The following DMD variants were observed in gnomAD, a reference collection of about 807,000 sequenced individuals.
DMD encodes mutant dystrophin.
A neutral mutation model predicts 330.1 loss-of-function variants in DMD; 63 were observed. That is an observed-to-expected ratio of 0.19 (90% confidence interval 0.16 to 0.24). DMD has a LOEUF of 0.24. DMD is among the 10% of genes least tolerant of loss of function. The pLI is 1.00. For missense variants in DMD, 3,344 were observed against 2,684.1 expected, an observed-to-expected ratio of 1.25 and a Z score of -5.43; for synonymous variants, 1,223 against 959.8, an observed-to-expected ratio of 1.27 and a Z score of -5.07.
chrX:31,397,802 T>G (rs913003527), intron 60 of DMD, among the ~76,000 whole-genome samples: 1 of 111,972 alleles, frequency 8.9e-6, no homozygotes, highest in African/African-American at 3.3e-5. Context: ...ATGTGAAATT[T>G]GGAGAAAAGC....
At chrX:32,335,656 C>A (rs1406906698) in intron 41 of DMD, among the ~76,000 whole-genome samples, 1 of 107,738 alleles carries the variant, frequency 9.3e-6, no homozygotes, top group African/African-American at 3.3e-5. Context: ...ATGTTATATA[C>A]ATAACATATA....
At chrX:33,048,543 A>T (rs1245059247) in intron 1 of DMD, among the ~76,000 whole-genome samples, 3 of 108,349 alleles carry the variant, frequency 2.8e-5, no homozygotes, top group Non-Finnish European at 5.7e-5. Context: ...TACAAGAAAA[A>T]TTAGCTGGGC....
chrX:32,473,519 T>C (rs1156300833), intron 21 of DMD, among the ~76,000 whole-genome samples: 1 of 111,756 alleles, frequency 8.9e-6, no homozygotes, highest in African/African-American at 3.2e-5. Context: ...TGCTGGGATA[T>C]GAATGTCATT....
intron 55 of DMD, among the ~76,000 whole-genome samples, chrX:31,598,755 T>C (rs971640548): frequency 8.9e-6 from 1 of 111,885 alleles, no homozygotes; most frequent in African/African-American, 3.2e-5. Flanking sequence ...ATCTGAAATA[T>C]CTGCAACTAG....
chrX:31,342,243 T>G (rs1389308592), intron 61 of DMD, among the ~76,000 whole-genome samples: 2 of 111,729 alleles, frequency 1.8e-5, no homozygotes, highest in Admixed American at 9.6e-5. Flanking sequence ...AAATACTCAT[T>G]TTCTTTTTAA....
intron 55 of DMD, among the ~76,000 whole-genome samples, chrX:31,582,841 G>A (rs1021259297): frequency 1.8e-5 from 2 of 111,901 alleles, no homozygotes; most frequent in Non-Finnish European, 3.8e-5. Flanking sequence ...TCTGCTTTAA[G>A]ACAGACTTAG....
intron 41 of DMD, among the ~76,000 whole-genome samples, chrX:32,335,369 T>C (rs770821899): frequency 9.5e-6 from 1 of 105,637 alleles, no homozygotes; most frequent in East Asian, 2.9e-4. Flanking sequence ...CCTGGCTAAT[T>C]TTATATATAA....
chrX:32,597,003 A>C (rs808536), intron 12 of DMD, among the ~76,000 whole-genome samples: 58,187 of 110,466 alleles, frequency 0.53, 12,416 homozygotes, highest in African/African-American at 0.82. Flanking sequence ...CTAGCACCTG[A>C]CTACCTCACC....
At chrX:31,951,172 T>TAC (rs1167746639) in intron 45 of DMD, among the ~76,000 whole-genome samples, 1 of 93,627 alleles carries the variant, frequency 1.1e-5, no homozygotes, top group Non-Finnish European at 2.1e-5. Context: ...TATATATATA[T>TAC]ATGTATATAT....
intron 11 of DMD, among the ~76,000 whole-genome samples, chrX:32,641,740 C>T (rs1304882585): frequency 3.6e-5 from 4 of 110,814 alleles, no homozygotes; most frequent in Non-Finnish European, 3.8e-5. Flanking sequence ...TTTCTCTAAT[C>T]GCTAAACCAA....
chrX:31,293,218 T>TGTGTGTGTGTGTGGTCTGGTTTA (rs2053892710), intron 62 of DMD, among the ~76,000 whole-genome samples: 9 of 95,879 alleles, frequency 9.4e-5, no homozygotes, highest in African/African-American at 4.0e-4. Context: ...TGTGTGTGTG[T>TGTGTGTGTGTGTGGTCTGGTTTA]GTGTGTGTGT....
At chrX:32,342,041 C>T (rs2097746024) in intron 41 of DMD, 59 bp downstream of exon 41, 3 of 1,074,970 alleles carry the variant, frequency 2.8e-6, no homozygotes, top group Non-Finnish European at 3.8e-6. Flanking sequence ...TATTAGTAGG[C>T]CTCTGTTAAT....
chrX:31,602,126 T>C (rs1321260830), intron 55 of DMD, among the ~76,000 whole-genome samples: 1 of 111,385 alleles, frequency 9.0e-6, no homozygotes, highest in Non-Finnish European at 1.9e-5. Context: ...TTTACAACAA[T>C]GCCCTGCCAA....
intron 62 of DMD, among the ~76,000 whole-genome samples, chrX:31,273,150 T>TA (rs748144308): frequency 4.5e-5 from 5 of 112,012 alleles, no homozygotes; most frequent in East Asian, 2.8e-4. Flanking sequence ...GGTTGAACAT[T>TA]AAAAAAAATC....
Position 32,774,221 on chromosome X carries a change from C to T in DMD, c.649+35272G>A, listed in dbSNP as rs376032341. On this transcript the variant is annotated intron_variant, in intron 7 of 78. Coordinates refer to ENST00000357033, the MANE Select transcript of DMD (RefSeq NM_004006.3). ...AAATAAGTTAAAATATTTTTAATAACGTAATCAACATTTACCAAGTACCCC... is the reference window on the plus strand; with the variant it reads ...AAATAAGTTAAAATATTTTTAATAATGTAATCAACATTTACCAAGTACCCC... Among the ~76,000 whole-genome samples the T allele has an allele frequency of 5.4e-5, 6 of 111,912 alleles. No homozygotes were observed. The South Asian group carries it at 1.1e-3, about 21-fold the overall frequency.
chrX:32,839,153 C>T (rs967504489), intron 4 of DMD, among the ~76,000 whole-genome samples: 2 of 111,089 alleles, frequency 1.8e-5, no homozygotes, highest in Non-Finnish European at 3.8e-5. Flanking sequence ...CTTCTCACCC[C>T]CACCTTACTA....
chrX:33,113,331 A>G (rs1338147662), intron 1 of DMD, among the ~76,000 whole-genome samples: 1 of 111,474 alleles, frequency 9.0e-6, no homozygotes, highest in African/African-American at 3.3e-5. Flanking sequence ...TGCTGGGATT[A>G]CAGGCATGAG....
At chrX:31,536,275 C>G (rs1238356947) in intron 55 of DMD, among the ~76,000 whole-genome samples, 1 of 111,534 alleles carries the variant, frequency 9.0e-6, no homozygotes, top group Non-Finnish European at 1.9e-5. Context: ...CTAATGAACC[C>G]AATCCCAAAC....
chrX:32,756,366 C>G (rs1423557525), intron 7 of DMD: 1 of 111,116 alleles, frequency 9.0e-6, no homozygotes, highest in Non-Finnish European at 1.9e-5. Context: ...GACAAAGTAC[C>G]CAAAGCTAAA....
Sources: allele counts gnomAD v4.1 joint callset (sites outside exome capture counted in the v4.1 genomes callset), GRCh38; gene constraint gnomAD v4.1.1; transcripts MANE v1.5; gene names NCBI Gene and HGNC (gene_info 2026-07-23, HGNC 2026-07-21).